Variants in HS6ST3 observed in about 807,000 individuals in gnomAD.
The protein encoded by HS6ST3 is heparan-sulfate 6-O-sulfotransferase 3.
Under a neutral mutation model 36.7 loss-of-function variants are expected in HS6ST3, and 12 were observed. That is an observed-to-expected ratio of 0.33 (90% CI 0.21 to 0.53). The LOEUF (loss-of-function observed/expected upper bound fraction) is 0.53, where lower values mean the gene tolerates loss of function less well. Among genes scored for constraint, HS6ST3 ranks in the 20% least tolerant of loss-of-function variants. HS6ST3 has a pLI of 0.95. For synonymous variants in HS6ST3, 240 were observed against 257.5 expected (o/e 0.93, Z 0.65); for missense variants, 584 against 640.9 (o/e 0.91, Z 0.96).
chr13:96,404,027 T>C (rs1313076884), intron 1 of HS6ST3, among the ~76,000 whole-genome samples: 3 of 152,210 alleles, frequency 2.0e-5, no homozygotes, highest in Admixed American at 6.5e-5. Context: ...TGTCTTCTAA[T>C]TGATTTATTT....
chr13:96,365,782 A>G lies in HS6ST3; in HGVS notation c.707+274213A>G, dbSNP rs371680637. Among the ~76,000 whole-genome samples, 6 of 152,354 alleles carry G rather than the reference A, an allele frequency of 3.9e-5. No homozygotes were observed. The East Asian group carries it at 1.2e-3, about 29-fold the overall frequency. On this transcript the variant is annotated intron_variant, in intron 1 of 1. Coordinates refer to ENST00000376705, the MANE Select transcript of HS6ST3 (RefSeq NM_153456.4). Reference sequence around the variant, plus strand: ...TAGGAACCATATGTTCTTCTAGGAAACATAGTTGTAATGCATATAAGGGAA... The same window carrying G: ...TAGGAACCATATGTTCTTCTAGGAAGCATAGTTGTAATGCATATAAGGGAA...
At chr13:96,266,874 TG>T (rs1382392244) in intron 1 of HS6ST3, among the ~76,000 whole-genome samples, 1 of 152,174 alleles carries the variant, frequency 6.6e-6, no homozygotes, top group Non-Finnish European at 1.5e-5. Context: ...CTCCAAGGAA[TG>T]GTCAGTCTGC....
chr13:96,474,578 C>T (rs1158075120), intron 1 of HS6ST3, among the ~76,000 whole-genome samples: 1 of 150,044 alleles, frequency 6.7e-6, no homozygotes, highest in Admixed American at 6.8e-5. Context: ...CAAAATATAG[C>T]ATTTGCTATA....
At chr13:96,114,476 G>A (rs889099417) in intron 1 of HS6ST3, among the ~76,000 whole-genome samples, 45 of 152,120 alleles carry the variant, frequency 3.0e-4, no homozygotes, top group Non-Finnish European at 5.9e-5. Flanking sequence ...ACTATTAAAA[G>A]CAGCATGAAG....
At chr13:96,291,654 C>T (rs948166579) in intron 1 of HS6ST3, among the ~76,000 whole-genome samples, 2 of 152,102 alleles carry the variant, frequency 1.3e-5, no homozygotes, top group East Asian at 1.9e-4. Flanking sequence ...AAACTCTTTT[C>T]GTTTAATAAT....
chr13:96,201,525 C>A (rs945294404), intron 1 of HS6ST3, among the ~76,000 whole-genome samples: 1 of 152,176 alleles, frequency 6.6e-6, no homozygotes, highest in Non-Finnish European at 1.5e-5. Context: ...ATTAAAATTT[C>A]ATTCCTGTTG....
chr13:96,816,476 C>G (rs1428496561), intron 1 of HS6ST3, among the ~76,000 whole-genome samples: 2 of 152,210 alleles, frequency 1.3e-5, no homozygotes, highest in African/African-American at 2.4e-5. Flanking sequence ...TCTTGGGAGC[C>G]TGAGTGAGAA....
chr13:96,228,431 A>G (rs1350254680), intron 1 of HS6ST3, among the ~76,000 whole-genome samples: 1 of 152,012 alleles, frequency 6.6e-6, no homozygotes, highest in African/African-American at 2.4e-5. Context: ...ACACCCAGCT[A>G]ATGTTTGTAT....
intron 1 of HS6ST3, among the ~76,000 whole-genome samples, chr13:96,458,288 T>C (rs139813687): frequency 2.4e-4 from 37 of 152,282 alleles, no homozygotes; most frequent in Non-Finnish European, 4.9e-4. Context: ...CATTTATTTA[T>C]GTAATCATAT....
intron 1 of HS6ST3, among the ~76,000 whole-genome samples, chr13:96,199,125 C>A (rs1365511732): frequency 2.0e-5 from 3 of 152,016 alleles, no homozygotes; most frequent in Non-Finnish European, 2.9e-5. Flanking sequence ...GTGGAAAAGA[C>A]TGGTCCCCAT....
intron 1 of HS6ST3, among the ~76,000 whole-genome samples, chr13:96,462,056 T>C (rs1043548194): frequency 2.0e-4 from 30 of 152,252 alleles, no homozygotes; most frequent in Middle Eastern, 3.4e-3. Flanking sequence ...AATTAAAGGA[T>C]TTTTTGAAAA....
chr13:96,360,238 C>G (rs2055230977), intron 1 of HS6ST3, among the ~76,000 whole-genome samples: 1 of 152,022 alleles, frequency 6.6e-6, no homozygotes, highest in Non-Finnish European at 1.5e-5. Context: ...AGGGAGGATA[C>G]AGAGAGACTC....
At chr13:96,130,532 G>A (rs1314686061) in intron 1 of HS6ST3, among the ~76,000 whole-genome samples, 2 of 152,222 alleles carry the variant, frequency 1.3e-5, no homozygotes. Flanking sequence ...TGACCAGATA[G>A]TATTTGAGGA....
chr13:96,433,987 G>T (rs1452485192), intron 1 of HS6ST3, among the ~76,000 whole-genome samples: 1 of 152,056 alleles, frequency 6.6e-6, no homozygotes, highest in Non-Finnish European at 1.5e-5. Context: ...CCAGTCTTGG[G>T]TATGTCTTTA....
intron 1 of HS6ST3, among the ~76,000 whole-genome samples, chr13:96,129,245 G>T (rs1462010094): frequency 1.3e-5 from 2 of 152,216 alleles, no homozygotes; most frequent in Non-Finnish European, 1.5e-5. Context: ...AATGTTGGTG[G>T]TGATATAGGC....
intron 1 of HS6ST3, among the ~76,000 whole-genome samples, chr13:96,122,891 G>A (rs7321255): frequency 0.017 from 2,572 of 152,262 alleles, 61 homozygotes; most frequent in African/African-American, 0.059. Flanking sequence ...TAGTGTGCCA[G>A]TTAGATTGCC....
intron 1 of HS6ST3, among the ~76,000 whole-genome samples, chr13:96,564,407 G>C (rs1212164734): frequency 6.6e-6 from 1 of 152,112 alleles, no homozygotes; most frequent in Non-Finnish European, 1.5e-5. Flanking sequence ...ATGAAGTTCT[G>C]TTTCCTTCAC....
At chr13:96,139,776 T>C (rs1430463561) in intron 1 of HS6ST3, among the ~76,000 whole-genome samples, 1 of 152,008 alleles carries the variant, frequency 6.6e-6, no homozygotes, top group African/African-American at 2.4e-5. Flanking sequence ...TTGCCTACCT[T>C]GTGTTAGTAG....
chr13:96,137,631 A>G (rs1480297777), intron 1 of HS6ST3, among the ~76,000 whole-genome samples: 2 of 151,942 alleles, frequency 1.3e-5, no homozygotes, highest in Admixed American at 6.6e-5. Flanking sequence ...AGGGGGTTTC[A>G]CCATGTTGGC....
Sources: allele counts gnomAD v4.1 joint callset (sites outside exome capture counted in the v4.1 genomes callset), GRCh38; gene constraint gnomAD v4.1.1; transcripts MANE v1.5; gene names NCBI Gene and HGNC (gene_info 2026-07-23, HGNC 2026-07-21).